The following SCN10A variants were observed in gnomAD, a reference collection of about 807,000 sequenced individuals.
SCN10A encodes sodium channel protein type 10 subunit alpha.
SCN10A carries 162 observed loss-of-function variants against 170.7 expected under a neutral mutation model. The observed-to-expected ratio is 0.95, with a 90% CI of 0.84 to 1.08. The LOEUF (loss-of-function observed/expected upper bound fraction) is 1.08, where lower values mean the gene tolerates loss of function less well. Ranked by LOEUF, SCN10A falls within the 50% of genes least tolerant of loss-of-function variation. The probability of loss-of-function intolerance (pLI) is 0.00; values close to 1 mark genes in which losing one functional copy is unlikely to be tolerated. For synonymous variants in SCN10A, 985 were observed against 904.6 expected, an observed-to-expected ratio of 1.09 and a Z score of -1.59; for missense variants, 2,527 against 2,436.9, an observed-to-expected ratio of 1.04 and a Z score of -0.78.
chr3:38,759,350 C>T (rs1024362716), intron 8 of SCN10A, among the ~76,000 whole-genome samples: 2 of 152,114 alleles, frequency 1.3e-5, no homozygotes, highest in African/African-American at 2.4e-5. Context: ...AGCTTTGTCT[C>T]ACATTCTGTT....
Position 38,809,387 on chromosome 3 carries a change from G to A in SCN10A, c.-33+6650C>T, listed in dbSNP as rs181050653. ...GGCCTTGAGTTTTTAAGATTCAGGGGCTTCTCTCTTGAAACTGTCATAGCC... is the reference window on the plus strand; with the variant it reads ...GGCCTTGAGTTTTTAAGATTCAGGGACTTCTCTCTTGAAACTGTCATAGCC... On this transcript the variant is annotated intron_variant, in intron 1 of 27. Coordinates refer to ENST00000449082, the MANE Select transcript of SCN10A (RefSeq NM_006514.4). Among the ~76,000 whole-genome samples the A allele has an allele frequency of 7.7e-4, 117 of 152,332 alleles. 2 individuals carry two copies. Among genetic ancestry groups the A allele is most frequent in the Admixed American group, 6.8e-3 (104 of 15,310 alleles).
intron 15 of SCN10A, among the ~76,000 whole-genome samples, chr3:38,737,054 T>C (rs1359783616): frequency 7.6e-6 from 1 of 131,096 alleles, no homozygotes; most frequent in Non-Finnish European, 1.6e-5. Flanking sequence ...CACTGTAAGC[T>C]CCGCCTCCCA....
At chr3:38,737,787 TCC>T (rs2063582169) in intron 15 of SCN10A, among the ~76,000 whole-genome samples, 1 of 110,274 alleles carries the variant, frequency 9.1e-6, no homozygotes, top group East Asian at 3.3e-4. Context: ...TCTCCCTCCC[TCC>T]CTCCCTTCCT....
chr3:38,766,289 A>C (rs184718295), intron 5 of SCN10A, among the ~76,000 whole-genome samples: 156 of 152,134 alleles, frequency 1.0e-3, no homozygotes, highest in Middle Eastern at 3.4e-3. Flanking sequence ...GAAATGGTGA[A>C]AGTGGGCATC....
intron 8 of SCN10A, among the ~76,000 whole-genome samples, chr3:38,759,459 G>A (rs552551109): frequency 9.6e-4 from 146 of 152,124 alleles, no homozygotes; most frequent in East Asian, 1.9e-3. Context: ...ACCACCTCCA[G>A]GAAGCCTTCC....
At chr3:38,728,467 A>G (rs2063479650) in intron 16 of SCN10A, 75 bp downstream of exon 16, 2 of 1,456,098 alleles carry the variant, frequency 1.4e-6, no homozygotes, top group African/African-American at 1.4e-5. Context: ...AATGCAGATC[A>G]AAGCTTTTTC....
Position 38,766,093 on chromosome 3 carries a change from A to T in SCN10A, c.600-2497T>A, listed in dbSNP as rs188923501. Among the ~76,000 whole-genome samples, 3 of 151,718 alleles carry T rather than the reference A, an allele frequency of 2.0e-5. No individual in the cohort carries two copies. In the East Asian group the frequency reaches 5.8e-4, roughly 29 times the overall value. ...TTGTATACATTGTTTTTGTATCCTG[A>T]AACTTTACTGAATTCATTTATTAGA... is the stretch of plus-strand genomic sequence containing the variant. On this transcript the variant is annotated intron_variant, in intron 5 of 27. Transcript: ENST00000449082.
intron 14 of SCN10A, among the ~76,000 whole-genome samples, chr3:38,741,013 G>A (rs1433532123): frequency 6.6e-6 from 1 of 152,080 alleles, no homozygotes; most frequent in African/African-American, 2.4e-5. Context: ...GCCAAAACAT[G>A]AGGCATGCTG....
intron 3 of SCN10A, 150 bp downstream of exon 3, chr3:38,791,900 G>A (rs1575182356): frequency 1.3e-5 from 13 of 1,022,350 alleles, no homozygotes; most frequent in Admixed American, 2.4e-5. Flanking sequence ...CACATTAAAG[G>A]CCCAAGCCAT....
chr3:38,746,059 A>ATGTG (rs1171627666), intron 13 of SCN10A, among the ~76,000 whole-genome samples: 7 of 65,872 alleles, frequency 1.1e-4, no homozygotes, highest in African/African-American at 3.0e-4. Context: ...ATGTGTGTGT[A>ATGTG]TGTGTATATA....
intron 4 of SCN10A, among the ~76,000 whole-genome samples, chr3:38,773,032 GA>G (rs1341500443): frequency 6.6e-6 from 1 of 152,142 alleles, no homozygotes; most frequent in Non-Finnish European, 1.5e-5. Flanking sequence ...GGTCTAGAAA[GA>G]AATTAGAAGA....
chr3:38,792,444 C>T (rs1223465817), intron 2 of SCN10A, among the ~76,000 whole-genome samples: 1 of 152,166 alleles, frequency 6.6e-6, no homozygotes, highest in African/African-American at 2.4e-5. Flanking sequence ...GACAGCCAAT[C>T]CTCAGGCTGG....
intron 15 of SCN10A, among the ~76,000 whole-genome samples, chr3:38,732,072 T>C (rs115145298): frequency 0.014 from 2,154 of 152,304 alleles, 53 homozygotes; most frequent in African/African-American, 0.049. Flanking sequence ...AGCAAGAAAG[T>C]GCTAAGCATG....
chr3:38,717,097 A>C (rs1299935845), intron 21 of SCN10A, among the ~76,000 whole-genome samples: 4 of 152,202 alleles, frequency 2.6e-5, no homozygotes, highest in African/African-American at 9.7e-5. Flanking sequence ...AAAAGATAGA[A>C]AGATATAAGG....
intron 5 of SCN10A, 54 bp from the exon 6 acceptor site, chr3:38,763,650 A>C: frequency 7.7e-7 from 1 of 1,303,958 alleles, no homozygotes; most frequent in Non-Finnish European, 1.1e-6. Context: ...CTGGGGATGC[A>C]TGCAGCATAA....
chr3:38,794,142 A>G, intron 1 of SCN10A, 100 bp from the exon 2 acceptor site: 1 of 817,570 alleles, frequency 1.2e-6, no homozygotes, highest in South Asian at 1.7e-5. Flanking sequence ...CCCTTCTCCC[A>G]CCCTCATATC....
chr3:38,751,824 T>A (rs2126023085), intron 12 of SCN10A, among the ~76,000 whole-genome samples: 1 of 152,336 alleles, frequency 6.6e-6, no homozygotes, highest in South Asian at 2.1e-4. Flanking sequence ...GGGTGCCATT[T>A]GCCCAGCCTA....
At chr3:38,700,664 A>C (rs1311675044) in intron 27 of SCN10A, among the ~76,000 whole-genome samples, 2 of 152,188 alleles carry the variant, frequency 1.3e-5, no homozygotes, top group Admixed American at 6.5e-5. Context: ...ACAAAAACAA[A>C]CTGAAATCCC....
Position 38,703,470 on chromosome 3 carries a change from C to T in SCN10A, c.4387-1361G>A, listed in dbSNP as rs148129688. ...AGAGTTGTGTACAATCAGTGTCCCT[C>T]ATTCACTCCTCAGCCCACATCAACA... On this transcript the variant is annotated intron_variant, in intron 26 of 27. Coordinates refer to ENST00000449082, the MANE Select transcript of SCN10A (RefSeq NM_006514.4). Among the ~76,000 whole-genome samples, 181 of 152,338 alleles carry T rather than the reference C, an allele frequency of 1.2e-3. 1 individual carries two copies. Among genetic ancestry groups the T allele is most frequent in the African/African-American group, 4.2e-3 (173 of 41,590 alleles).
Sources: gnomAD v4.1 joint callset for allele counts (sites outside exome capture counted in the v4.1 genomes callset) on GRCh38, gnomAD v4.1.1 for gene constraint, MANE v1.5 for transcripts, NCBI Gene and HGNC (gene_info 2026-07-23, HGNC 2026-07-21) for gene names.